WWOX: variants seen among roughly 807,000 people sequenced by gnomAD.
WWOX encodes WW domain containing oxidoreductase, also known as WW domain-containing oxidoreductase.
WWOX carries 69 observed loss-of-function variants against 46.2 expected under a neutral mutation model. That is an observed-to-expected ratio of 1.49 (90% CI 1.23 to 1.82). WWOX has a LOEUF of 1.82. Ranked by LOEUF, WWOX falls within the 40% of genes most tolerant of loss-of-function variation. The probability of loss-of-function intolerance (pLI) is 0.00; values close to 1 mark genes in which losing one functional copy is unlikely to be tolerated. For missense variants in WWOX, 919 were observed against 542.6 expected (o/e 1.69, Z -6.89); for synonymous variants, 359 against 202.6 (o/e 1.77, Z -6.56).
At chr16:78,492,603 G>C (rs921997049) in intron 8 of WWOX, among the ~76,000 whole-genome samples, 4 of 152,316 alleles carry the variant, frequency 2.6e-5, no homozygotes, top group Non-Finnish European at 5.9e-5. Context: ...TGGAATCACT[G>C]TTTCTCCTCC....
At chr16:78,131,196 G>C (rs902925960) in intron 4 of WWOX, among the ~76,000 whole-genome samples, 3 of 152,148 alleles carry the variant, frequency 2.0e-5, no homozygotes, top group Non-Finnish European at 4.4e-5. Context: ...TGATCTTTGT[G>C]CTTCTAGAGA....
At chr16:78,629,986 C>A (rs941491756) in intron 8 of WWOX, among the ~76,000 whole-genome samples, 2 of 152,160 alleles carry the variant, frequency 1.3e-5, no homozygotes, top group African/African-American at 4.8e-5. Context: ...TTGTCCTCCC[C>A]ACTTCTCTTC....
At chr16:78,663,827 G>C (rs1182900156) in intron 8 of WWOX, among the ~76,000 whole-genome samples, 4 of 152,200 alleles carry the variant, frequency 2.6e-5, no homozygotes, top group African/African-American at 4.8e-5. Flanking sequence ...TCAAGCACAG[G>C]TGCAGCAAGT....
rs1188358397 is a variant in WWOX at position 78,406,311 on chromosome 16, T to C, written c.606-18559T>C. On this transcript the variant is annotated intron_variant, in intron 6 of 8. Transcript: ENST00000566780. The stretch of plus-strand genomic sequence containing the variant: ...TACAGCATATAAATATAAATATATA[T>C]ATATATATATATATATATATATATA... 4.6e-3 allele frequency among the ~76,000 whole-genome samples: 170 copies of C among 36,926 alleles called. 4 individuals carry two copies. In the East Asian group the frequency reaches 0.047, roughly 10 times the overall value. The allele number at this position is 36,926 out of a possible 152,430, so 24.2% of individuals were successfully genotyped here. A position where few individuals can be genotyped will look rare whatever the true frequency, so the allele number is the denominator to read the frequency against.
intron 5 of WWOX, among the ~76,000 whole-genome samples, chr16:78,275,375 C>T (rs1445767428): frequency 6.6e-6 from 1 of 152,176 alleles, no homozygotes; most frequent in Non-Finnish European, 1.5e-5. Flanking sequence ...TTGTGCCCAC[C>T]GGGTCAGCTC....
intron 8 of WWOX, among the ~76,000 whole-genome samples, chr16:78,654,179 C>T (rs545308877): frequency 2.0e-5 from 3 of 152,208 alleles, no homozygotes; most frequent in African/African-American, 4.8e-5. Flanking sequence ...GTTCAAATTG[C>T]CTTCGGCTCT....
At chr16:78,830,310 T>TTA (rs3085447) in intron 8 of WWOX, among the ~76,000 whole-genome samples, 47,604 of 151,692 alleles carry the variant, frequency 0.31, 7,739 homozygotes, top group East Asian at 0.47. Context: ...ATAAGCATAT[T>TTA]TATATATATA....
At chr16:79,197,528 C>T (rs942018095) in intron 8 of WWOX, among the ~76,000 whole-genome samples, 3 of 151,970 alleles carry the variant, frequency 2.0e-5, no homozygotes, top group Non-Finnish European at 4.4e-5. Flanking sequence ...ACCAACCCTG[C>T]TTTTTGTAGA....
chr16:78,442,755 G>A (rs1428568337), intron 8 of WWOX, among the ~76,000 whole-genome samples: 1 of 151,870 alleles, frequency 6.6e-6, no homozygotes, highest in African/African-American at 2.4e-5. Context: ...TGAGGCGGAT[G>A]AATCACCTGA....
intron 4 of WWOX, among the ~76,000 whole-genome samples, chr16:78,156,147 C>T (rs2034589167): frequency 6.6e-6 from 1 of 152,148 alleles, no homozygotes; most frequent in Non-Finnish European, 1.5e-5. Flanking sequence ...AGATGGCTTA[C>T]CCGTAACTAC....
At chr16:78,558,888 T>G (rs1176493731) in intron 8 of WWOX, among the ~76,000 whole-genome samples, 1 of 152,230 alleles carries the variant, frequency 6.6e-6, no homozygotes, top group East Asian at 1.9e-4. Flanking sequence ...TTGGGTACCT[T>G]GCATCCTCCT....
At chr16:78,992,273 C>T (rs543071982) in intron 8 of WWOX, among the ~76,000 whole-genome samples, 1 of 149,884 alleles carries the variant, frequency 6.7e-6, no homozygotes, top group Non-Finnish European at 1.5e-5. Flanking sequence ...TCTGCCTGTA[C>T]AGTGTTCTGC....
intron 8 of WWOX, among the ~76,000 whole-genome samples, chr16:78,750,731 A>G (rs1374262612): frequency 1.3e-5 from 2 of 152,160 alleles, no homozygotes; most frequent in Non-Finnish European, 2.9e-5. Flanking sequence ...ACTTGTAAGT[A>G]AGAACATGCG....
intron 6 of WWOX, among the ~76,000 whole-genome samples, chr16:78,397,118 C>T (rs1810198514): frequency 6.6e-6 from 1 of 152,126 alleles, no homozygotes; most frequent in Non-Finnish European, 1.5e-5. Flanking sequence ...GAAGAAACTC[C>T]CCCATGATAT....
At chr16:78,675,073 C>G (rs1020792675) in intron 8 of WWOX, among the ~76,000 whole-genome samples, 1 of 152,212 alleles carries the variant, frequency 6.6e-6, no homozygotes, top group Non-Finnish European at 1.5e-5. Context: ...ACATGTGAGT[C>G]TTTGCTCTAG....
chr16:78,803,010 A>G lies in WWOX; in HGVS notation c.1056+370258A>G, dbSNP rs545823358. ...AATGATTTTCATCACCAGGCCTGCC[A>G]TGGAATTCATGGTGCCTTGTACTGT... On this transcript the variant is annotated intron_variant, in intron 8 of 8. Transcript: ENST00000566780. Among the ~76,000 whole-genome samples the G allele has an allele frequency of 1.4e-4, 21 of 149,870 alleles. 1 individual carries two copies. The South Asian group carries it at 4.5e-3, about 32-fold the overall frequency.
chr16:78,774,348 C>T (rs1261697921), intron 8 of WWOX, among the ~76,000 whole-genome samples: 1 of 152,072 alleles, frequency 6.6e-6, no homozygotes, highest in African/African-American at 2.4e-5. Flanking sequence ...TTTCAGTGAG[C>T]CGAGATCGCG....
At chr16:78,612,837 A>T (rs1351486413) in intron 8 of WWOX, among the ~76,000 whole-genome samples, 1 of 152,196 alleles carries the variant, frequency 6.6e-6, no homozygotes, top group Non-Finnish European at 1.5e-5. Flanking sequence ...GGATTGCTGT[A>T]AGGATTAGAA....
chr16:78,159,827 CT>C (rs1400650100), intron 4 of WWOX, among the ~76,000 whole-genome samples: 1 of 151,708 alleles, frequency 6.6e-6, no homozygotes, highest in African/African-American at 2.4e-5. Context: ...CGTGCAGAAG[CT>C]TTTTAGTTTT....
Sources: gnomAD v4.1 joint callset for allele counts (sites outside exome capture counted in the v4.1 genomes callset) on GRCh38, gnomAD v4.1.1 for gene constraint, MANE v1.5 for transcripts, NCBI Gene and HGNC (gene_info 2026-07-23, HGNC 2026-07-21) for gene names.